The following ZNF483 variants were observed in gnomAD, a reference collection of about 807,000 sequenced individuals.
The protein encoded by ZNF483 is zinc finger protein HIT-10.
Under a neutral mutation model 28.6 loss-of-function variants are expected in ZNF483, and 9 were observed. The observed-to-expected ratio is 0.32, with a 90% CI of 0.19 to 0.55. The LOEUF (loss-of-function observed/expected upper bound fraction) is 0.55. ZNF483 is among the 20% of genes least tolerant of loss of function. The pLI, the probability that ZNF483 is intolerant of heterozygous loss-of-function variation, is 0.93. For missense variants in ZNF483, 675 were observed against 871.7 expected, an observed-to-expected ratio of 0.77 and a Z score of 2.84; for synonymous variants, 322 against 306.2, an observed-to-expected ratio of 1.05 and a Z score of -0.54.
rs192191356 is a variant in ZNF483 at position 111,527,193 on chromosome 9, A to G, written c.-128-75A>G. ...GTGTGTGGATATATTTCTCTGAACC[A>G]AACCAAGAACGATGTTTTTAGGACT... On this transcript the variant is annotated intron_variant, in intron 1 of 5. Coordinates refer to ENST00000309235, the MANE Select transcript of ZNF483 (RefSeq NM_133464.5). The G allele has an allele frequency of 4.2e-4, 212 of 502,976 alleles. 1 individual carries two copies. The highest frequency in any genetic ancestry group is 3.4e-3 in the African/African-American group (179 of 52,706). The allele number at this position is 502,976 out of a possible 1,614,324, so 31.2% of individuals were successfully genotyped here.
chr9:111,525,785 C>T (rs1827172579), intron 1 of ZNF483, among the ~76,000 whole-genome samples: 1 of 152,086 alleles, frequency 6.6e-6, no homozygotes, highest in South Asian at 2.1e-4. Flanking sequence ...GTGCTCAGCA[C>T]GGCGCCAGGT....
At chr9:111,566,374 G>A (rs1463710097) in intron 5 of ZNF483, among the ~76,000 whole-genome samples, 1 of 152,172 alleles carries the variant, frequency 6.6e-6, no homozygotes. Flanking sequence ...CAGCTCCCTG[G>A]TGACAGCCCA....
Position 111,526,753 on chromosome 9 carries a change from A to G in ZNF483, c.-128-515A>G, listed in dbSNP as rs114465056. Among the ~76,000 whole-genome samples the G allele has an allele frequency of 1.5e-3, 230 of 152,258 alleles. 1 individual carries two copies. Among genetic ancestry groups the G allele is most frequent in the African/African-American group, 5.2e-3 (218 of 41,548 alleles). Reference sequence around the variant, plus strand: ...ACATTTTGTTTAGGAGGAGTATTCAATCTAAAGCAACTGTTTCCTTAACCC... The same window carrying G: ...ACATTTTGTTTAGGAGGAGTATTCAGTCTAAAGCAACTGTTTCCTTAACCC... On this transcript the variant is annotated intron_variant, in intron 1 of 5. Transcript: ENST00000309235.
In ZNF483 at chr9:111,554,597, T is replaced by C. The variant is rs10980940; in HGVS notation, c.*11427T>C. Among the ~76,000 whole-genome samples the C allele has an allele frequency of 0.072, 10,994 of 152,226 alleles. 608 individuals are homozygous for C. Among genetic ancestry groups the C allele is most frequent in the East Asian group, 0.26 (1,348 of 5,172 alleles). ...CAGTCTGATAACCCAAGAAGGCTAC[T>C]AAGTGACTAACAGACAGGTAGTGTA... On this transcript the variant is annotated 3_prime_UTR_variant, in exon 6 of 6. Coordinates refer to ENST00000309235, the MANE Select transcript of ZNF483 (RefSeq NM_133464.5).
chr9:111,535,637 A>G (rs1378547927), intron 5 of ZNF483, among the ~76,000 whole-genome samples: 1 of 151,434 alleles, frequency 6.6e-6, no homozygotes, highest in African/African-American at 2.4e-5. Flanking sequence ...TCTGCCTCCC[A>G]GGTTCAAGTG....
downstream of ZNF483, among the ~76,000 whole-genome samples, chr9:111,558,072 G>A (rs544252277): frequency 1.1e-4 from 16 of 152,156 alleles, no homozygotes; most frequent in South Asian, 3.3e-3. Flanking sequence ...GCTTGAACCC[G>A]GGAGGCGGAG....
intron 5 of ZNF483, among the ~76,000 whole-genome samples, chr9:111,537,976 CTG>C (rs1334865602): frequency 6.6e-6 from 1 of 152,128 alleles, no homozygotes; most frequent in East Asian, 1.9e-4. Context: ...TTTCTCTTGA[CTG>C]TGAATGACAC....
chr9:111,539,988 C>A (rs1285870652), intron 5 of ZNF483, among the ~76,000 whole-genome samples: 2 of 151,828 alleles, frequency 1.3e-5, no homozygotes, highest in African/African-American at 4.8e-5. Context: ...TAGAATTAGC[C>A]AGGTATGGTG....
In ZNF483 at chr9:111,555,266, A is replaced by G. The variant is rs1828087757; in HGVS notation, c.*12096A>G. Among the ~76,000 whole-genome samples the G allele has an allele frequency of 6.6e-6, 1 of 152,200 alleles. No individual in the cohort carries two copies. The highest frequency in any genetic ancestry group is 6.5e-5 in the Admixed American group (1 of 15,286). ...CTGTGGGAATTGTGGTGAATTGATAATCACCTGGCAAAATAAGGTAGGAGT... is the reference window on the plus strand; with the variant it reads ...CTGTGGGAATTGTGGTGAATTGATAGTCACCTGGCAAAATAAGGTAGGAGT... On this transcript the variant is annotated 3_prime_UTR_variant, in exon 6 of 6. Transcript: ENST00000309235.
At chr9:111,530,113 G>T (rs1203873775) in intron 2 of ZNF483, among the ~76,000 whole-genome samples, 1 of 152,164 alleles carries the variant, frequency 6.6e-6, no homozygotes, top group Admixed American at 6.5e-5. Flanking sequence ...TTGGAACTCA[G>T]CTCCACCCCC....
At chr9:111,540,211 G>C (rs915775983) in intron 5 of ZNF483, among the ~76,000 whole-genome samples, 3 of 152,030 alleles carry the variant, frequency 2.0e-5, no homozygotes. Flanking sequence ...ACAATACAAA[G>C]TGAAAAGAAT....
chr9:111,566,845 A>C (rs531531029), intron 5 of ZNF483, among the ~76,000 whole-genome samples: 1 of 152,154 alleles, frequency 6.6e-6, no homozygotes, highest in South Asian at 2.1e-4. Context: ...TATAGTATAT[A>C]TTATGTTAAA....
At chr9:111,574,616 A>T in intron 5 of ZNF483, 1 of 726,180 alleles carries the variant, frequency 1.4e-6, no homozygotes, top group East Asian at 3.0e-5. Context: ...AAAAAAAAAA[A>T]AAAAGAATAT....
chr9:111,566,735 G>A (rs10980948), intron 5 of ZNF483, among the ~76,000 whole-genome samples: 41,856 of 152,010 alleles, frequency 0.28, 7,213 homozygotes, highest in Non-Finnish European at 0.4. Context: ...TCTGGGGGCT[G>A]GAGATACACC....
At chr9:111,539,531 A>G (rs1246167504) in intron 5 of ZNF483, 2 of 443,714 alleles carry the variant, frequency 4.5e-6, no homozygotes, top group Non-Finnish European at 9.0e-6. Flanking sequence ...TGGGAGGCCA[A>G]GGCAGGTGGA....
At chr9:111,541,407 T>A (rs1451455596) in intron 5 of ZNF483, among the ~76,000 whole-genome samples, 1 of 152,140 alleles carries the variant, frequency 6.6e-6, no homozygotes, top group Non-Finnish European at 1.5e-5. Context: ...TTAAAAAAAT[T>A]CAAAATGAGG....
At chr9:111,559,584 C>CCA (rs149722704), downstream of ZNF483, among the ~76,000 whole-genome samples, 3 of 151,686 alleles carry the variant, frequency 2.0e-5, no homozygotes, top group African/African-American at 7.3e-5. Flanking sequence ...TCACCAGTGT[C>CCA]CACACACACA....
intron 5 of ZNF483, among the ~76,000 whole-genome samples, chr9:111,566,326 G>T (rs1164138398): frequency 6.6e-6 from 1 of 152,138 alleles, no homozygotes; most frequent in African/African-American, 2.4e-5. Context: ...ATCACAGATG[G>T]GTTACATTAG....
rs1173308223 is a variant in ZNF483 at position 111,544,347 on chromosome 9, CATGTGTGTGTGTGTGT to C, written c.*1178_*1193del. 1.4e-5 allele frequency: 12 copies of C among 851,180 alleles called. No homozygotes were observed. Among genetic ancestry groups the C allele is most frequent in the Non-Finnish European group, 1.6e-5 (12 of 728,236 alleles). 52.7% of individuals were successfully genotyped at this position (851,180 alleles called of 1,614,324 possible). ...ATAACAATTTGCTTGGGTGTGTGTG[CATGTGTGTGTGTGTGT>C]GTGTGTGTGTATACATTGTTGCCAC... On this transcript the variant is annotated 3_prime_UTR_variant, in exon 6 of 6. Coordinates refer to ENST00000309235, the MANE Select transcript of ZNF483 (RefSeq NM_133464.5).
Sources: allele counts gnomAD v4.1 joint callset (sites outside exome capture counted in the v4.1 genomes callset), GRCh38; gene constraint gnomAD v4.1.1; transcripts MANE v1.5; gene names NCBI Gene and HGNC (gene_info 2026-07-23, HGNC 2026-07-21).